The following PHYHIPL variants were observed in gnomAD, a reference collection of about 807,000 sequenced individuals.
The protein encoded by PHYHIPL is phytanoyl-CoA hydroxylase-interacting protein-like.
PHYHIPL carries 9 observed loss-of-function variants against 33.4 expected under a neutral mutation model. The ratio of observed to expected loss-of-function variants is 0.27; its 90% CI spans 0.16 to 0.47. The LOEUF (loss-of-function observed/expected upper bound fraction) is 0.47, where lower values mean the gene tolerates loss of function less well. Among genes scored for constraint, PHYHIPL ranks in the 20% least tolerant of loss-of-function variants. The pLI is 0.99. For synonymous variants in PHYHIPL, 153 were observed against 154.1 expected, an observed-to-expected ratio of 0.99 and a Z score of 0.05; for missense variants, 365 against 460.7, an observed-to-expected ratio of 0.79 and a Z score of 1.90.
intron 1 of PHYHIPL, among the ~76,000 whole-genome samples, chr10:59,190,264 A>G (rs565366619): frequency 1.6e-4 from 24 of 152,050 alleles, no homozygotes; most frequent in Middle Eastern, 3.4e-3. Context: ...GTTCATACAA[A>G]TAAGTGGTGG....
At position 59,236,579 on chromosome 10, in the gene PHYHIPL, G is replaced by C; in HGVS notation, c.400G>C (p.Val134Leu). 1 of 1,611,038 alleles carries C rather than the reference G, an allele frequency of 6.2e-7. No homozygotes were observed. Among genetic ancestry groups the C allele is most frequent in the South Asian group, 1.1e-5 (1 of 90,726 alleles). The change falls in exon 3 of 5, where the codon GTG becomes CTG. Residue 134 changes from valine (V) to leucine (L), a missense_variant. This residue lies in a region of PHYHIPL where 63 missense variants were observed against 119.3 expected (regional missense o/e 0.53). Transcript: ENST00000373880. The part of the protein sequence containing the change: ...LSPRTEYTVA[V>L]QTASKQVDGD... ...CCCAAGAACTGAATATACAGTAGCA[G>C]TGCAGACTGCCTCAAAACAAGTTGA... is the stretch of plus-strand genomic sequence containing the variant.
Position 59,245,278 on chromosome 10 carries a change from G to A in PHYHIPL, c.818G>A (p.Cys273Tyr). The change falls in exon 5 of 5, where the codon TGT becomes TAT. Residue 273 changes from cysteine (C) to tyrosine (Y), a missense_variant. Around this residue, in one of 4 missense-constraint regions of PHYHIPL, gnomAD observed 196 missense variants for 224.9 expected, o/e 0.87. Coordinates refer to ENST00000373880, the MANE Select transcript of PHYHIPL (RefSeq NM_032439.4). The stretch of plus-strand genomic sequence containing the variant: ...AACTTATACTTTGGGGACTTCTACT[G>A]TATGTACACTGCTTATCATTATGTG... ...NTNLYFGDFY[C>Y]MYTAYHYVIL... 1 of 1,614,126 alleles carries A rather than the reference G, an allele frequency of 6.2e-7. No homozygotes were observed. Among genetic ancestry groups the A allele is most frequent in the Non-Finnish European group, 8.5e-7 (1 of 1,180,012 alleles).
At position 59,185,417 on chromosome 10, in the gene PHYHIPL, A is replaced by G. The variant is rs1464069783; in HGVS notation, c.106+8458A>G. Among the ~76,000 whole-genome samples, 9 of 152,326 alleles carry G rather than the reference A, an allele frequency of 5.9e-5. No individual in the cohort carries two copies. In the East Asian group the frequency reaches 7.7e-4, roughly 13 times the overall value. On this transcript the variant is annotated intron_variant, in intron 1 of 4. Transcript: ENST00000373880. ...CTTTGCTATTGTGAATAGTGGCGCA[A>G]TAAACATACGTGTGCATGTGTCTTT...
At chr10:59,212,859 AC>A (rs1187846260) in intron 1 of PHYHIPL, among the ~76,000 whole-genome samples, 1 of 152,132 alleles carries the variant, frequency 6.6e-6, no homozygotes, top group Admixed American at 6.6e-5. Flanking sequence ...CACCCCAGTC[AC>A]CCCAGGATTT....
At chr10:59,215,177 C>G (rs895379608) in intron 1 of PHYHIPL, among the ~76,000 whole-genome samples, 1 of 151,870 alleles carries the variant, frequency 6.6e-6, no homozygotes, top group Non-Finnish European at 1.5e-5. Context: ...CAGGATTTAC[C>G]CATATAATGT....
chr10:59,214,895 CA>C (rs918049472), intron 1 of PHYHIPL, among the ~76,000 whole-genome samples: 3 of 151,906 alleles, frequency 2.0e-5, no homozygotes, highest in Non-Finnish European at 2.9e-5. Context: ...CAGGTCTAGA[CA>C]GGGCAGATAA....
upstream of PHYHIPL, among the ~76,000 whole-genome samples, chr10:59,175,850 T>C (rs780864489): frequency 2.9e-4 from 44 of 152,200 alleles, no homozygotes; most frequent in Non-Finnish European, 5.6e-4. Context: ...GAGCATTGAA[T>C]ACTTATTTGC....
intron 4 of PHYHIPL, among the ~76,000 whole-genome samples, chr10:59,240,248 G>A (rs556381887): frequency 6.6e-6 from 1 of 151,972 alleles, no homozygotes; most frequent in Admixed American, 6.6e-5. Context: ...AAATTATTGT[G>A]CTTGTCAGTT....
chr10:59,236,571 C>T lies in PHYHIPL; in HGVS notation c.392C>T (p.Thr131Ile). 1 of 1,610,914 alleles carries T rather than the reference C, an allele frequency of 6.2e-7. No individual in the cohort carries two copies. The highest frequency in any genetic ancestry group is 8.5e-7 in the Non-Finnish European group (1 of 1,177,912). Residue 131 changes from threonine to isoleucine, a missense_variant, in exon 3 of 5, where the codon ACA becomes ATA. By Grantham distance (89) the Thr-to-Ile change is moderately conservative (BLOSUM62 -1). Around this residue, in one of 4 missense-constraint regions of PHYHIPL, gnomAD observed 63 missense variants for 119.3 expected, o/e 0.53. Coordinates refer to ENST00000373880, the MANE Select transcript of PHYHIPL (RefSeq NM_032439.4). Reference sequence around the variant, plus strand: ...TTTTTAAGCCCAAGAACTGAATATACAGTAGCAGTGCAGACTGCCTCAAAA... The same window carrying T: ...TTTTTAAGCCCAAGAACTGAATATATAGTAGCAGTGCAGACTGCCTCAAAA... ...HWFLSPRTEYTVAVQTASKQV... is the reference protein window; with the variant it reads ...HWFLSPRTEYIVAVQTASKQV...
At chr10:59,233,409 T>G (rs1227450968) in intron 1 of PHYHIPL, among the ~76,000 whole-genome samples, 1 of 151,876 alleles carries the variant, frequency 6.6e-6, no homozygotes, top group East Asian at 1.9e-4. Flanking sequence ...TGGCCTAACA[T>G]TTTTTCTTAT....
At chr10:59,179,310 C>G (rs2133173543) in intron 1 of PHYHIPL, among the ~76,000 whole-genome samples, 1 of 152,228 alleles carries the variant, frequency 6.6e-6, no homozygotes, top group South Asian at 2.1e-4. Flanking sequence ...CCACTCAAGT[C>G]TCGTTATTTT....
chr10:59,208,618 C>T (rs1475469786), intron 1 of PHYHIPL, among the ~76,000 whole-genome samples: 3 of 151,960 alleles, frequency 2.0e-5, no homozygotes. Flanking sequence ...TGGGTAATAA[C>T]AAACTCCTTT....
chr10:59,207,249 G>A (rs1397259910), intron 1 of PHYHIPL, among the ~76,000 whole-genome samples: 1 of 152,140 alleles, frequency 6.6e-6, no homozygotes, highest in Non-Finnish European at 1.5e-5. Context: ...ATTGGGACTG[G>A]TTAGACAGTG....
rs1840726078 is a variant in PHYHIPL at position 59,246,558 on chromosome 10, G to T, written c.*967G>T. 5.1e-6 allele frequency: 2 copies of T among 395,468 alleles called. No homozygotes were observed. The highest frequency in any genetic ancestry group is 2.6e-4 in the South Asian group (2 of 7,600). 24.5% of individuals were successfully genotyped at this position (395,468 alleles called of 1,614,324 possible). A position where few individuals can be genotyped will look rare whatever the true frequency, so the allele number is the denominator to read the frequency against. On this transcript the variant is annotated 3_prime_UTR_variant, in exon 5 of 5. Coordinates refer to ENST00000373880, the MANE Select transcript of PHYHIPL (RefSeq NM_032439.4). ...ACCTTTTACTTCCTTTTACAAAAAT[G>T]AAAATAATAAACATGTTTTCGTATA...
upstream of PHYHIPL, among the ~76,000 whole-genome samples, chr10:59,173,820 T>G (rs992245598): frequency 6.6e-6 from 1 of 151,156 alleles, no homozygotes; most frequent in African/African-American, 2.4e-5. Flanking sequence ...ATAACCCACG[T>G]TGGGGAACAG....
At chr10:59,179,394 C>T (rs2133173717) in intron 1 of PHYHIPL, among the ~76,000 whole-genome samples, 1 of 152,136 alleles carries the variant, frequency 6.6e-6, no homozygotes, top group Non-Finnish European at 1.5e-5. Flanking sequence ...TGTTTAAGTA[C>T]CTAATAAGAG....
chr10:59,185,514 A>G (rs1279638499), intron 1 of PHYHIPL, among the ~76,000 whole-genome samples: 21 of 150,238 alleles, frequency 1.4e-4, no homozygotes, highest in African/African-American at 4.5e-4. Flanking sequence ...GGTATTTCTA[A>G]TTCTAGATCC....
At chr10:59,222,747 A>G (rs1448070721) in intron 1 of PHYHIPL, among the ~76,000 whole-genome samples, 1 of 151,832 alleles carries the variant, frequency 6.6e-6, no homozygotes, top group East Asian at 1.9e-4. Flanking sequence ...AAAATTCATT[A>G]AAGATTACTA....
chr10:59,193,833 G>A (rs1021182712), intron 1 of PHYHIPL, among the ~76,000 whole-genome samples: 1 of 151,728 alleles, frequency 6.6e-6, no homozygotes, highest in African/African-American at 2.4e-5. Flanking sequence ...AACTTTTTTG[G>A]CTGTTATTTT....
Sources: gnomAD v4.1 joint callset for allele counts (sites outside exome capture counted in the v4.1 genomes callset) on GRCh38, gnomAD v4.1.1 for gene constraint, gnomAD v4.1.1 regional missense constraint, MANE v1.5 for transcripts, NCBI Gene and HGNC (gene_info 2026-07-23, HGNC 2026-07-21) for gene names.